The following AGTPBP1 variants were observed in gnomAD, a reference collection of about 807,000 sequenced individuals.
AGTPBP1 encodes the protein cytosolic carboxypeptidase 1.
A neutral mutation model predicts 143.9 loss-of-function variants in AGTPBP1; 70 were observed. The ratio of observed to expected loss-of-function variants is 0.49; its 90% CI spans 0.40 to 0.59. The LOEUF (loss-of-function observed/expected upper bound fraction) is 0.59. Among genes scored for constraint, AGTPBP1 ranks in the 20% least tolerant of loss-of-function variants. The probability of loss-of-function intolerance (pLI) is 0.00; values close to 1 mark genes in which losing one functional copy is unlikely to be tolerated. For missense variants in AGTPBP1, 1,229 were observed against 1,464.5 expected (o/e 0.84, Z 2.62); for synonymous variants, 463 against 500.2 (o/e 0.93, Z 0.99).
At position 85,612,883 on chromosome 9, in the gene AGTPBP1, T is replaced by G. The variant is rs987380369; in HGVS notation, c.2335+6100A>C. Among the ~76,000 whole-genome samples, 28 of 92,530 alleles carry G rather than the reference T, an allele frequency of 3.0e-4. No individual in the cohort carries two copies. In the East Asian group the frequency reaches 0.019, roughly 62 times the overall value. The allele number at this position is 92,530 out of a possible 152,430, so 60.7% of individuals were successfully genotyped here. On this transcript the variant is annotated intron_variant, in intron 17 of 25. Coordinates refer to ENST00000357081, the MANE Select transcript of AGTPBP1 (RefSeq NM_001330701.2). The stretch of plus-strand genomic sequence containing the variant: ...TGTGAGTAGTAGGAAGAAAAACAGG[T>G]TTTTTTTTTTTCTCCTCACTAAACA...
At chr9:85,802,351 AT>A in the AGTPBP1 span, among the ~76,000 whole-genome samples, 1 of 152,058 alleles carries the variant, frequency 6.6e-6, no homozygotes, top group African/African-American at 2.4e-5. Flanking sequence ...TCTTCCCCTT[AT>A]ACTTGCCTGG....
intron 23 of AGTPBP1, among the ~76,000 whole-genome samples, chr9:85,579,548 G>A (rs552182679): frequency 5.0e-4 from 75 of 150,210 alleles, no homozygotes; most frequent in African/African-American, 1.5e-3. Flanking sequence ...AGTTTCACCC[G>A]AAAGCATAAA....
chr9:85,778,140 C>T, the AGTPBP1 span, among the ~76,000 whole-genome samples: 4 of 152,146 alleles, frequency 2.6e-5, no homozygotes, highest in Non-Finnish European at 4.4e-5. Context: ...ACCTTCAGGA[C>T]CTGCTTGAGC....
upstream of AGTPBP1, among the ~76,000 whole-genome samples, chr9:85,742,889 A>G (rs1336404661): frequency 6.6e-6 from 1 of 152,242 alleles, no homozygotes; most frequent in Non-Finnish European, 1.5e-5. Flanking sequence ...GAATGCATTG[A>G]GAACTGTGAG....
At chr9:85,623,756 CA>C (rs529304682) in intron 14 of AGTPBP1, among the ~76,000 whole-genome samples, 6,027 of 83,702 alleles carry the variant, frequency 0.072, 347 homozygotes, top group African/African-American at 0.21. Context: ...GACTCTGTCT[CA>C]AAAAAAAAAA....
At chr9:85,693,095 C>G (rs972551407) in intron 2 of AGTPBP1, among the ~76,000 whole-genome samples, 9 of 152,178 alleles carry the variant, frequency 5.9e-5, no homozygotes, top group Non-Finnish European at 4.4e-5. Context: ...GGAAAGTTCA[C>G]CTTTCCACTC....
the AGTPBP1 span, among the ~76,000 whole-genome samples, chr9:85,762,645 T>C: frequency 4.0e-5 from 6 of 149,862 alleles, no homozygotes. Context: ...GGGGCAGCGA[T>C]AGCATTAGGA....
chr9:85,753,761 G>C, the AGTPBP1 span, among the ~76,000 whole-genome samples: 1 of 14,330 alleles, frequency 7.0e-5, no homozygotes. Context: ...TCAATAAATA[G>C]ATAGATAGAT....
rs145806808 is a variant in AGTPBP1 at position 85,624,206 on chromosome 9, C to T, written c.2016-2921G>A. 2.0e-5 allele frequency among the ~76,000 whole-genome samples: 3 copies of T among 152,204 alleles called. No individual in the cohort carries two copies. In the East Asian group the frequency reaches 5.8e-4, roughly 29 times the overall value. ...CTCTGAGGTTCCATATTATCTGTAT[C>T]TGCTAGAAAGAAGATTCAAGATCAT... On this transcript the variant is annotated intron_variant, in intron 14 of 25. Transcript: ENST00000357081.
At chr9:85,785,205 G>A in the AGTPBP1 span, among the ~76,000 whole-genome samples, 1 of 152,066 alleles carries the variant, frequency 6.6e-6, no homozygotes, top group Admixed American at 6.5e-5. Flanking sequence ...GTGGTGGCGG[G>A]CGCCTGTAGT....
chr9:85,547,976 A>G (rs996100862), intron 25 of AGTPBP1, among the ~76,000 whole-genome samples: 3 of 152,156 alleles, frequency 2.0e-5, no homozygotes, highest in Admixed American at 1.3e-4. Flanking sequence ...CTAGAAAAAT[A>G]CCACATTATT....
rs377107922 is a variant in AGTPBP1 at position 85,661,446 on chromosome 9, T to C, written c.663-473A>G. ...AGTATTTCCATTCTATCAAGGTATA[T>C]ATCCTCCTATTTAAGGCCATAATAA... On this transcript the variant is annotated intron_variant, in intron 8 of 25. Coordinates refer to ENST00000357081, the MANE Select transcript of AGTPBP1 (RefSeq NM_001330701.2). Among the ~76,000 whole-genome samples, 3 of 152,246 alleles carry C rather than the reference T, an allele frequency of 2.0e-5. No individual in the cohort carries two copies. In the South Asian group the frequency reaches 6.2e-4, roughly 32 times the overall value.
the AGTPBP1 span, among the ~76,000 whole-genome samples, chr9:85,779,734 C>A: frequency 6.6e-6 from 1 of 152,074 alleles, no homozygotes; most frequent in Non-Finnish European, 1.5e-5. Context: ...GTGGCATGTG[C>A]CTGTGGTCCC....
In AGTPBP1 at chr9:85,736,620, C is replaced by A. The variant is rs1588008037; in HGVS notation, c.-34+5155G>T. On this transcript the variant is annotated intron_variant, in intron 1 of 25. Transcript: ENST00000357081. ...TGTCACTACCACTTCACTTCTTAAT[C>A]AAACGTTTGTGAGAAAGCCTCTTTA... is the stretch of plus-strand genomic sequence containing the variant. 3.9e-5 allele frequency among the ~76,000 whole-genome samples: 6 copies of A among 152,278 alleles called. No homozygotes were observed. In the South Asian group the frequency reaches 1.2e-3, roughly 32 times the overall value.
chr9:85,692,306 T>C (rs1587914450), intron 3 of AGTPBP1, among the ~76,000 whole-genome samples: 1 of 151,518 alleles, frequency 6.6e-6, no homozygotes, highest in East Asian at 1.9e-4. Flanking sequence ...GACGGAGTCT[T>C]GCTGTCGCCC....
intron 17 of AGTPBP1, among the ~76,000 whole-genome samples, chr9:85,616,230 A>G (rs1047521227): frequency 6.6e-6 from 1 of 151,978 alleles, no homozygotes; most frequent in Non-Finnish European, 1.5e-5. Context: ...GTGAGTTTGG[A>G]AAGTGTGATA....
At chr9:85,714,043 G>A (rs975157863) in intron 1 of AGTPBP1, among the ~76,000 whole-genome samples, 1 of 152,190 alleles carries the variant, frequency 6.6e-6, no homozygotes, top group Non-Finnish European at 1.5e-5. Flanking sequence ...GATTTTACTA[G>A]AGTTGATAGA....
In AGTPBP1 at chr9:85,620,275, G is replaced by A. The variant is rs184621904; in HGVS notation, c.2099+927C>T. Among the ~76,000 whole-genome samples, 39 of 152,086 alleles carry A rather than the reference G, an allele frequency of 2.6e-4. 1 individual carries two copies. Among genetic ancestry groups the A allele is most frequent in the African/African-American group, 9.2e-4 (38 of 41,502 alleles). ...AAAAATACAGAAAAATTAGCCAGGC[G>A]TGGTGGCATGTGTCTGTAGTCCCAG... is the stretch of plus-strand genomic sequence containing the variant. On this transcript the variant is annotated intron_variant, in intron 15 of 25. Coordinates refer to ENST00000357081, the MANE Select transcript of AGTPBP1 (RefSeq NM_001330701.2).
chr9:85,782,762 C>T, the AGTPBP1 span, among the ~76,000 whole-genome samples: 26 of 152,258 alleles, frequency 1.7e-4, no homozygotes, highest in Non-Finnish European at 2.1e-4. Context: ...AGGATAAAGA[C>T]GTGATACAAA....
Sources: allele counts gnomAD v4.1 joint callset (sites outside exome capture counted in the v4.1 genomes callset), GRCh38; gene constraint gnomAD v4.1.1; transcripts MANE v1.5; gene names NCBI Gene and HGNC (gene_info 2026-07-23, HGNC 2026-07-21).